Variants in SLC12A7 observed in about 807,000 individuals in gnomAD.
SLC12A7 encodes the protein solute carrier family 12 member 7.
Under a neutral mutation model 120.6 loss-of-function variants are expected in SLC12A7, and 100 were observed. The observed-to-expected ratio is 0.83, with a 90% CI of 0.71 to 0.98. SLC12A7 has a LOEUF of 0.98. Ranked by LOEUF, SLC12A7 falls within the 50% of genes least tolerant of loss-of-function variation. SLC12A7 has a pLI of 0.00. For synonymous variants in SLC12A7, 760 were observed against 678.0 expected (o/e 1.12, Z -1.88); for missense variants, 1,373 against 1,548.1 (o/e 0.89, Z 1.90).
intron 11 of SLC12A7, 137 bp downstream of exon 11, chr5:1,078,564 A>G: frequency 1.4e-6 from 1 of 724,502 alleles, no homozygotes; most frequent in Non-Finnish European, 2.5e-6. Flanking sequence ...AGGGATCCCA[A>G]CCCTGGGACC....
In SLC12A7 at chr5:1,081,683, C is replaced by T. The variant is rs747608017; in HGVS notation, c.1191G>A (p.Ser397=). ...GAFVEKKGVP[S]VPVAEESRAS... ...CACGGCTCTCCTCTGCCACGGGCACCGAGGGCACACCTTTCTTCTCCACAA... is the reference window on the plus strand; with the variant it reads ...CACGGCTCTCCTCTGCCACGGGCACTGAGGGCACACCTTTCTTCTCCACAA... Residue 397 remains serine, a synonymous_variant, in exon 9 of 24, where the codon TCG becomes TCA. Transcript: ENST00000264930. 63 of 1,612,994 alleles carry T rather than the reference C, an allele frequency of 3.9e-5. No individual in the cohort carries two copies. The highest frequency in any genetic ancestry group is 4.7e-5 in the Non-Finnish European group (56 of 1,179,988).
At chr5:1,152,609 G>GAGACCCCCAAGCTAGAGAAGGT in the SLC12A7 span, among the ~76,000 whole-genome samples, 1 of 152,038 alleles carries the variant, frequency 6.6e-6, no homozygotes, top group African/African-American at 2.4e-5. Context: ...CTAGAGAAGG[G>GAGACCCCCAAGCTAGAGAAGGT]AGACCCCCAA....
At chr5:1,082,523 C>T (rs1458339470) in intron 8 of SLC12A7, among the ~76,000 whole-genome samples, 12 of 132,964 alleles carry the variant, frequency 9.0e-5, no homozygotes, top group Non-Finnish European at 1.3e-4. Context: ...CCGGGCTTCC[C>T]GTCTCAGGTT....
intron 21 of SLC12A7, among the ~76,000 whole-genome samples, chr5:1,058,972 C>T (rs1735910293): frequency 6.6e-6 from 1 of 152,218 alleles, no homozygotes; most frequent in South Asian, 2.1e-4. Flanking sequence ...TGTTCCCGCT[C>T]CCGGTCCCTC....
At chr5:1,105,147 C>T (rs1742397644) in intron 1 of SLC12A7, among the ~76,000 whole-genome samples, 1 of 149,076 alleles carries the variant, frequency 6.7e-6, no homozygotes, top group African/African-American at 2.5e-5. Context: ...CCTGCAGTCA[C>T]CCACCAGTCA....
intron 17 of SLC12A7, among the ~76,000 whole-genome samples, chr5:1,069,038 C>A (rs1465945365): frequency 6.6e-6 from 1 of 152,234 alleles, no homozygotes; most frequent in African/African-American, 2.4e-5. Flanking sequence ...CCGTGAACAT[C>A]CCCCCGAAAA....
At chr5:1,100,513 C>T (rs1741908772) in intron 1 of SLC12A7, among the ~76,000 whole-genome samples, 1 of 152,228 alleles carries the variant, frequency 6.6e-6, no homozygotes, top group East Asian at 1.9e-4. Flanking sequence ...ACAGTGGGAA[C>T]CAAAACCAAA....
At chr5:1,134,399 G>A in the SLC12A7 span, among the ~76,000 whole-genome samples, 1 of 152,086 alleles carries the variant, frequency 6.6e-6, no homozygotes, top group African/African-American at 2.4e-5. Flanking sequence ...GAACCCGGGA[G>A]GCAGAGGTTA....
chr5:1,069,552 C>T (rs74898345), intron 17 of SLC12A7, among the ~76,000 whole-genome samples: 4,591 of 152,244 alleles, frequency 0.03, 239 homozygotes, highest in African/African-American at 0.11. Context: ...GCAACAGGCA[C>T]GTGGTATAGG....
chr5:1,102,550 C>T (rs771564818), intron 1 of SLC12A7, among the ~76,000 whole-genome samples: 80 of 152,348 alleles, frequency 5.3e-4, no homozygotes, highest in Non-Finnish European at 1.1e-3. Context: ...AAGCCAGGTC[C>T]GACAGCCTCC....
At chr5:1,076,099 G>T (rs1044898468) in intron 14 of SLC12A7, 39 bp downstream of exon 14, 2 of 1,547,188 alleles carry the variant, frequency 1.3e-6, no homozygotes, top group Admixed American at 3.6e-5. Flanking sequence ...CAGTGTCCCA[G>T]CCTGTGGGGC....
chr5:1,068,797 C>T (rs1277881454), intron 17 of SLC12A7, among the ~76,000 whole-genome samples: 2 of 152,272 alleles, frequency 1.3e-5, no homozygotes, highest in Non-Finnish European at 2.9e-5. Flanking sequence ...CTTCCCATGG[C>T]CGTGAAGACT....
At chr5:1,114,794 G>A (rs954909941), upstream of SLC12A7, among the ~76,000 whole-genome samples, 4 of 152,160 alleles carry the variant, frequency 2.6e-5, no homozygotes, top group East Asian at 7.7e-4. Flanking sequence ...ACTGTCTGGT[G>A]GTAGCTCCTC....
At chr5:1,063,618 C>T (rs1736552539) in intron 20 of SLC12A7, among the ~76,000 whole-genome samples, 1 of 150,454 alleles carries the variant, frequency 6.6e-6, no homozygotes, top group African/African-American at 2.5e-5. Context: ...TTCTCCTCCC[C>T]ACCTCCACCT....
the SLC12A7 span, among the ~76,000 whole-genome samples, chr5:1,129,064 A>G: frequency 6.6e-6 from 1 of 152,006 alleles, no homozygotes; most frequent in East Asian, 1.9e-4. Context: ...GCTTGGGAGC[A>G]CCCCTGGGAT....
the SLC12A7 span, among the ~76,000 whole-genome samples, chr5:1,122,111 C>T: frequency 6.6e-6 from 1 of 152,182 alleles, no homozygotes; most frequent in African/African-American, 2.4e-5. Context: ...GAGAGCCAGA[C>T]CCTCCAGCTC....
chr5:1,092,671 A>C (rs1489551278), intron 3 of SLC12A7, among the ~76,000 whole-genome samples: 2 of 152,026 alleles, frequency 1.3e-5, no homozygotes, highest in Non-Finnish European at 2.9e-5. Flanking sequence ...AGACTGGGGG[A>C]GGCCGTCGCC....
intron 21 of SLC12A7, among the ~76,000 whole-genome samples, chr5:1,058,603 T>C (rs10058105): frequency 0.94 from 143,029 of 152,310 alleles, 67,824 homozygotes; most frequent in East Asian, 1. Flanking sequence ...TCTTCTTCCC[T>C]GGATAAAACT....
At chr5:1,097,493 A>T (rs916401149) in intron 1 of SLC12A7, among the ~76,000 whole-genome samples, 2 of 152,202 alleles carry the variant, frequency 1.3e-5, no homozygotes, top group Admixed American at 6.5e-5. Flanking sequence ...CGAGAAATTC[A>T]TTAAACTTAG....
Sources: allele counts gnomAD v4.1 joint callset (sites outside exome capture counted in the v4.1 genomes callset), GRCh38; gene constraint gnomAD v4.1.1; transcripts MANE v1.5; gene names NCBI Gene and HGNC (gene_info 2026-07-23, HGNC 2026-07-21).